PLPP1: variants seen among roughly 807,000 people sequenced by gnomAD.
PLPP1 encodes phospholipid phosphatase 1.
Under a neutral mutation model 31.2 loss-of-function variants are expected in PLPP1, and 24 were observed. That is an observed-to-expected ratio of 0.77 (90% CI 0.56 to 1.08). The LOEUF is 1.08. Among genes scored for constraint, PLPP1 ranks in the 50% least tolerant of loss-of-function variants. PLPP1 has a pLI of 0.00. For missense variants in PLPP1, 319 were observed against 342.7 expected (o/e 0.93, Z 0.55); for synonymous variants, 146 against 126.3 (o/e 1.16, Z -1.05).
At chr5:55,527,968 T>A (rs1252225302) in intron 1 of PLPP1, among the ~76,000 whole-genome samples, 1 of 152,176 alleles carries the variant, frequency 6.6e-6, no homozygotes, top group African/African-American at 2.4e-5. Flanking sequence ...GCTCAGTTGA[T>A]GTACCCCATG....
intron 2 of PLPP1, among the ~76,000 whole-genome samples, chr5:55,472,710 G>T (rs142603570): frequency 4.8e-4 from 73 of 150,752 alleles, no homozygotes; most frequent in African/African-American, 1.7e-3. Flanking sequence ...GAGAAAAAGA[G>T]AAAGAGAGAG....
chr5:55,446,647 C>T (rs964964788), intron 3 of PLPP1, among the ~76,000 whole-genome samples: 1 of 152,176 alleles, frequency 6.6e-6, no homozygotes, highest in Non-Finnish European at 1.5e-5. Flanking sequence ...GAGAGTTCCT[C>T]CAGAGAAGGT....
intron 3 of PLPP1, 107 bp downstream of exon 3, chr5:55,467,762 A>G (rs1418606258): frequency 8.1e-7 from 1 of 1,239,834 alleles, no homozygotes; most frequent in Non-Finnish European, 1.1e-6. Context: ...CCTCCCAGTG[A>G]TAACACTAAC....
intron 1 of PLPP1, among the ~76,000 whole-genome samples, chr5:55,533,159 G>A (rs1740738141): frequency 6.6e-6 from 1 of 151,740 alleles, no homozygotes; most frequent in South Asian, 2.1e-4. Flanking sequence ...TGAGACAGGC[G>A]GATCACCTGA....
chr5:55,474,884 G>A (rs894876280), intron 2 of PLPP1, among the ~76,000 whole-genome samples: 1 of 151,958 alleles, frequency 6.6e-6, no homozygotes, highest in Non-Finnish European at 1.5e-5. Flanking sequence ...ACATGGAAAA[G>A]ATTAGCATAA....
At chr5:55,467,052 T>A (rs937969094) in intron 3 of PLPP1, among the ~76,000 whole-genome samples, 6 of 152,140 alleles carry the variant, frequency 3.9e-5, no homozygotes, top group African/African-American at 1.4e-4. Context: ...CATTCATGTC[T>A]AAAGGTGTCC....
chr5:55,497,381 G>C (rs1470697900), intron 1 of PLPP1, among the ~76,000 whole-genome samples: 1 of 151,192 alleles, frequency 6.6e-6, no homozygotes, highest in African/African-American at 2.4e-5. Context: ...AAGTAGCTGT[G>C]ACTACAGGCC....
chr5:55,475,511 CAAT>C (rs2111811017), intron 1 of PLPP1, 61 bp from the exon 2 acceptor site: 2 of 1,393,080 alleles, frequency 1.4e-6, no homozygotes, highest in East Asian at 5.0e-5. Flanking sequence ...TAATTAATGG[CAAT>C]AATTATCCCA....
chr5:55,474,898 C>A (rs542522504), intron 2 of PLPP1, among the ~76,000 whole-genome samples: 1 of 152,026 alleles, frequency 6.6e-6, no homozygotes, highest in South Asian at 2.1e-4. Context: ...AGCATAAAAT[C>A]TATACATAGC....
At chr5:55,438,271 C>T (rs754966295) in intron 4 of PLPP1, among the ~76,000 whole-genome samples, 5 of 152,222 alleles carry the variant, frequency 3.3e-5, no homozygotes, top group Non-Finnish European at 7.3e-5. Flanking sequence ...AGCATATAAA[C>T]TGGCTATGTG....
In PLPP1 at chr5:55,534,562, G is replaced by C; in HGVS notation, c.58+10C>G. The C allele has an allele frequency of 1.3e-6, 2 of 1,533,222 alleles. No homozygotes were observed. Among genetic ancestry groups the C allele is most frequent in the Non-Finnish European group, 8.8e-7 (1 of 1,142,050 alleles). The allele number at this position is 1,533,222 out of a possible 1,614,324, so 95.0% of individuals were successfully genotyped here. ...GCACACGCCCCTCGGACCCGGCGGC[G>C]CGTACGTACCCAGCAACACGCAGAG... On this transcript the variant is annotated intron_variant, in intron 1 of 5. Transcript: ENST00000307259.
intron 2 of PLPP1, among the ~76,000 whole-genome samples, chr5:55,471,776 G>A (rs1399525134): frequency 5.3e-5 from 8 of 152,238 alleles, no homozygotes; most frequent in African/African-American, 1.9e-4. Context: ...GTCTAACCGA[G>A]CATTGCCTGA....
At chr5:55,492,873 G>A (rs964358385) in intron 1 of PLPP1, among the ~76,000 whole-genome samples, 4 of 152,208 alleles carry the variant, frequency 2.6e-5, no homozygotes, top group Admixed American at 2.0e-4. Flanking sequence ...TCCAACACAA[G>A]CTATCTCTTC....
intron 1 of PLPP1, among the ~76,000 whole-genome samples, chr5:55,500,743 A>G (rs1031118376): frequency 6.6e-6 from 1 of 152,230 alleles, no homozygotes; most frequent in African/African-American, 2.4e-5. Context: ...CGGCAAGGCC[A>G]GAGGCAAGAA....
chr5:55,523,032 T>C (rs1335780342), intron 1 of PLPP1, among the ~76,000 whole-genome samples: 1 of 152,202 alleles, frequency 6.6e-6, no homozygotes, highest in African/African-American at 2.4e-5. Flanking sequence ...AATGATTGTT[T>C]TTATAGACAA....
chr5:55,479,512 A>C (rs2111822379), intron 1 of PLPP1, among the ~76,000 whole-genome samples: 1 of 152,364 alleles, frequency 6.6e-6, no homozygotes, highest in East Asian at 1.9e-4. Flanking sequence ...GAATTTTAAC[A>C]AAAACTGAGT....
At chr5:55,498,543 T>G (rs191724074) in intron 1 of PLPP1, among the ~76,000 whole-genome samples, 162 of 152,280 alleles carry the variant, frequency 1.1e-3, no homozygotes, top group Non-Finnish European at 1.8e-3. Flanking sequence ...CAGTAAGCAT[T>G]TCAAGGAATA....
chr5:55,501,366 C>T (rs1375962358), intron 1 of PLPP1, among the ~76,000 whole-genome samples: 1 of 152,022 alleles, frequency 6.6e-6, no homozygotes, highest in East Asian at 1.9e-4. Context: ...TAAAAACTAA[C>T]GTATAGCCTT....
intron 1 of PLPP1, among the ~76,000 whole-genome samples, chr5:55,493,326 AAAG>A (rs1347952549): frequency 5.3e-5 from 8 of 151,966 alleles, no homozygotes; most frequent in Admixed American, 3.3e-4. Context: ...AAAAAAAAAA[AAAG>A]AAGAAGAAAA....
Sources: gnomAD v4.1 joint callset for allele counts (sites outside exome capture counted in the v4.1 genomes callset) on GRCh38, gnomAD v4.1.1 for gene constraint, MANE v1.5 for transcripts, NCBI Gene and HGNC (gene_info 2026-07-23, HGNC 2026-07-21) for gene names.